C12orf60: variants seen among roughly 807,000 people sequenced by gnomAD.
C12orf60 encodes the protein chromosome 12 open reading frame 60.
For synonymous variants in C12orf60, 102 were observed against 94.6 expected (o/e 1.08, Z -0.45); for missense variants, 284 against 283.2 (o/e 1.00, Z -0.02).
At chr12:14,812,413 C>T (rs1422196898) in intron 1 of C12orf60, among the ~76,000 whole-genome samples, 7 of 151,638 alleles carry the variant, frequency 4.6e-5, no homozygotes, top group African/African-American at 9.7e-5. Flanking sequence ...CACTGCACGC[C>T]GGCCTGGGTG....
intron 1 of C12orf60, among the ~76,000 whole-genome samples, chr12:14,816,334 C>T (rs1950218087): frequency 6.6e-6 from 1 of 152,048 alleles, no homozygotes; most frequent in Non-Finnish European, 1.5e-5. Context: ...AAAGCTCATC[C>T]CCTTCTTTTC....
At chr12:14,809,698 T>C (rs184061697) in intron 1 of C12orf60, among the ~76,000 whole-genome samples, 1 of 152,214 alleles carries the variant, frequency 6.6e-6, no homozygotes, top group East Asian at 1.9e-4. Flanking sequence ...AGTGGGACTT[T>C]ATAAGCCTAA....
intron 1 of C12orf60, among the ~76,000 whole-genome samples, chr12:14,817,337 T>C (rs537707859): frequency 6.6e-6 from 1 of 152,340 alleles, no homozygotes; most frequent in Non-Finnish European, 1.5e-5. Context: ...GTTGTTGTTC[T>C]TTCTTTGTTT....
At chr12:14,807,769 A>T (rs1439421608) in intron 1 of C12orf60, among the ~76,000 whole-genome samples, 3 of 152,214 alleles carry the variant, frequency 2.0e-5, no homozygotes, top group Non-Finnish European at 2.9e-5. Flanking sequence ...TGCAAAGCTT[A>T]TAAATTAAAT....
At chr12:14,819,450 G>A (rs901232926) in intron 1 of C12orf60, among the ~76,000 whole-genome samples, 2 of 150,972 alleles carry the variant, frequency 1.3e-5, no homozygotes, top group African/African-American at 2.4e-5. Flanking sequence ...TTTGTATGTA[G>A]ACATCATGTT....
At chr12:14,805,149 C>A (rs1235259827) in intron 1 of C12orf60, 1 of 152,172 alleles carries the variant, frequency 6.6e-6, no homozygotes, top group African/African-American at 2.4e-5. Flanking sequence ...AAATTATATT[C>A]TTTTTTCTGA....
chr12:14,821,591 T>G (rs1950305889), intron 1 of C12orf60, among the ~76,000 whole-genome samples: 1 of 152,228 alleles, frequency 6.6e-6, no homozygotes, highest in Non-Finnish European at 1.5e-5. Flanking sequence ...TCAAGAAGTC[T>G]TTCAGCTACG....
chr12:14,807,723 A>G (rs1950075481), intron 1 of C12orf60, among the ~76,000 whole-genome samples: 1 of 152,092 alleles, frequency 6.6e-6, no homozygotes, highest in Non-Finnish European at 1.5e-5. Context: ...TACAGGGCAC[A>G]GTGTTAATCA....
chr12:14,811,023 G>T (rs965775397), intron 1 of C12orf60, among the ~76,000 whole-genome samples: 27 of 152,248 alleles, frequency 1.8e-4, no homozygotes, highest in Admixed American at 7.2e-4. Context: ...TTTCATTGAT[G>T]ACCTGTCACT....
chr12:14,809,430 A>G (rs1950103266), intron 1 of C12orf60, among the ~76,000 whole-genome samples: 2 of 152,212 alleles, frequency 1.3e-5, no homozygotes, highest in East Asian at 1.9e-4. Context: ...ACAAAATAGT[A>G]AACAGTATGG....
intron 1 of C12orf60, chr12:14,804,893 T>C (rs149295353): frequency 6.6e-6 from 1 of 152,342 alleles, no homozygotes; most frequent in African/African-American, 2.4e-5. Flanking sequence ...GAATCAACTA[T>C]AACAAACACA....
chr12:14,812,673 C>T (rs543056471), intron 1 of C12orf60, among the ~76,000 whole-genome samples: 2 of 151,916 alleles, frequency 1.3e-5, no homozygotes, highest in East Asian at 1.9e-4. Context: ...TGATATGTAT[C>T]GTAAATTGCA....
At chr12:14,816,505 T>G (rs114315247) in intron 1 of C12orf60, among the ~76,000 whole-genome samples, 1,967 of 152,216 alleles carry the variant, frequency 0.013, 26 homozygotes, top group African/African-American at 0.044. Context: ...ATAGCCTCCT[T>G]TATCTTTCTT....
At chr12:14,815,052 T>G (rs1297133996) in intron 1 of C12orf60, among the ~76,000 whole-genome samples, 1 of 152,242 alleles carries the variant, frequency 6.6e-6, no homozygotes, top group African/African-American at 2.4e-5. Context: ...GTGGCTGATA[T>G]GTGGCAAAAT....
intron 1 of C12orf60, among the ~76,000 whole-genome samples, chr12:14,807,908 G>A (rs539132940): frequency 5.2e-4 from 79 of 152,322 alleles, no homozygotes; most frequent in Non-Finnish European, 7.8e-4. Flanking sequence ...GCTCAGGCCT[G>A]TAATCCCAGC....
intron 1 of C12orf60, among the ~76,000 whole-genome samples, chr12:14,820,798 G>A (rs917581779): frequency 1.7e-4 from 26 of 151,956 alleles, no homozygotes; most frequent in African/African-American, 6.3e-4. Context: ...GAGTGTTTTG[G>A]CCCATTAACA....
intron 1 of C12orf60, chr12:14,806,408 T>C: frequency 6.2e-7 from 1 of 1,614,246 alleles, no homozygotes; most frequent in Non-Finnish European, 8.5e-7. Flanking sequence ...GGGTTGGCTC[T>C]AGCTTATCTT....
At chr12:14,821,488 GCT>G (rs755919039) in intron 1 of C12orf60, among the ~76,000 whole-genome samples, 3 of 151,958 alleles carry the variant, frequency 2.0e-5, no homozygotes, top group Admixed American at 6.6e-5. Context: ...ATTGTTTCCT[GCT>G]CTGTTTTTAA....
chr12:14,821,998 G>A (rs1950312950), intron 1 of C12orf60, among the ~76,000 whole-genome samples: 1 of 130,682 alleles, frequency 7.7e-6, no homozygotes, highest in Non-Finnish European at 1.6e-5. Flanking sequence ...CTTGTGAGGT[G>A]TGTGTGGGGG....
Sources: allele counts gnomAD v4.1 joint callset (sites outside exome capture counted in the v4.1 genomes callset), GRCh38; gene constraint gnomAD v4.1.1; transcripts MANE v1.5; gene names NCBI Gene and HGNC (gene_info 2026-07-23, HGNC 2026-07-21).